The following POFUT4 variants were observed in gnomAD, a reference collection of about 807,000 sequenced individuals.
POFUT4 encodes the protein protein O-fucosyltransferase 4, also known as GDP-fucose protein O-fucosyltransferase 4.
At chr10:73,772,444 G>C in the POFUT4 span, 3 of 1,564,774 alleles carry the variant, frequency 1.9e-6, no homozygotes, top group Non-Finnish European at 1.7e-6. Context: ...GGGAGGCGGA[G>C]TGGGCGGAAC....
At chr10:73,779,232 C>G in the POFUT4 span, 3 of 154,136 alleles carry the variant, frequency 1.9e-5, no homozygotes, top group African/African-American at 7.3e-5. Context: ...TGAGTGCCAA[C>G]TGGGCAACAC....
the POFUT4 span, chr10:73,773,495 C>A: frequency 2.5e-6 from 4 of 1,614,220 alleles, no homozygotes; most frequent in Non-Finnish European, 3.4e-6. Flanking sequence ...AGTTTATTGA[C>A]TTTCTGGACA....
chr10:73,773,697 G>A, the POFUT4 span: 66 of 1,614,084 alleles, frequency 4.1e-5, no homozygotes, highest in Admixed American at 1.1e-3. Context: ...GAAAGCCCAC[G>A]CGGCCTCTCC....
At chr10:73,772,915 G>A in the POFUT4 span, 1 of 1,611,120 alleles carries the variant, frequency 6.2e-7, no homozygotes, top group Non-Finnish European at 8.5e-7. Flanking sequence ...GCCGCCCGGT[G>A]CCTCCGCCCA....
chr10:73,773,647 G>A, the POFUT4 span: 16 of 1,614,276 alleles, frequency 9.9e-6, no homozygotes, highest in South Asian at 1.6e-4. Context: ...GGCTTCGAGT[G>A]TTTCGTCTGT....
chr10:73,778,452 G>A, the POFUT4 span, among the ~76,000 whole-genome samples: 3 of 149,118 alleles, frequency 2.0e-5, no homozygotes, highest in African/African-American at 7.4e-5. Flanking sequence ...CCCTTCTGTT[G>A]CTGTGGTTTG....
the POFUT4 span, among the ~76,000 whole-genome samples, chr10:73,778,336 T>C: frequency 7.1e-6 from 1 of 140,866 alleles, no homozygotes; most frequent in Non-Finnish European, 1.5e-5. Context: ...GAGGTTGCAG[T>C]GAGCTGAGAT....
chr10:73,780,251 A>G, the POFUT4 span: 1 of 152,136 alleles, frequency 6.6e-6, no homozygotes, highest in Non-Finnish European at 1.5e-5. Context: ...TTCTTGTTAA[A>G]CAATGTCTTC....
chr10:73,774,604 G>A, the POFUT4 span: 1 of 152,234 alleles, frequency 6.6e-6, no homozygotes, highest in Non-Finnish European at 1.5e-5. Flanking sequence ...GGAGGCTGTG[G>A]CAGGTGGATT....
At chr10:73,772,704 G>A in the POFUT4 span, 5 of 1,581,082 alleles carry the variant, frequency 3.2e-6, no homozygotes, top group South Asian at 3.4e-5. Context: ...CTCTTCTACG[G>A]CACAGACTTC....
At chr10:73,779,668 C>G in the POFUT4 span, 1 of 152,112 alleles carries the variant, frequency 6.6e-6, no homozygotes, top group African/African-American at 2.4e-5. Context: ...AATGCAGATG[C>G]TAATTTAGAG....
the POFUT4 span, chr10:73,774,700 A>G: frequency 6.6e-6 from 1 of 152,392 alleles, no homozygotes; most frequent in Admixed American, 6.5e-5. Flanking sequence ...CCTGTCACAC[A>G]CACACACACA....
chr10:73,779,089 A>C, the POFUT4 span: 1 of 151,930 alleles, frequency 6.6e-6, no homozygotes, highest in South Asian at 2.1e-4. Context: ...AAAAAAAAAA[A>C]AAAAACCTTC....
chr10:73,775,721 A>C, the POFUT4 span: 1 of 1,609,544 alleles, frequency 6.2e-7, no homozygotes, highest in Non-Finnish European at 8.5e-7. Flanking sequence ...GGCGGAGCTA[A>C]GGAGATCTTA....
chr10:73,776,498 C>T, the POFUT4 span, among the ~76,000 whole-genome samples: 1 of 151,796 alleles, frequency 6.6e-6, no homozygotes, highest in Non-Finnish European at 1.5e-5. Context: ...TTGAGACCAT[C>T]CTAGCAAGAC....
chr10:73,772,616 C>T, the POFUT4 span: 4 of 1,562,790 alleles, frequency 2.6e-6, no homozygotes, highest in Non-Finnish European at 3.5e-6. Context: ...AGACTCGGAG[C>T]GCATCGAGTG....
the POFUT4 span, chr10:73,779,922 A>G: frequency 2.0e-5 from 3 of 152,186 alleles, no homozygotes. Context: ...CTTTATTCCT[A>G]TCACCATATA....
chr10:73,773,724 T>C, the POFUT4 span: 1 of 1,614,198 alleles, frequency 6.2e-7, no homozygotes, highest in Non-Finnish European at 8.5e-7. Context: ...CAGCCCCGTC[T>C]TTGAGCCCCA....
chr10:73,773,000 G>C, the POFUT4 span: 14 of 1,591,216 alleles, frequency 8.8e-6, no homozygotes, highest in Non-Finnish European at 1.2e-5. Flanking sequence ...CGTGCCAGCG[G>C]ACCGGGACCG....
Sources: allele counts gnomAD v4.1 joint callset (sites outside exome capture counted in the v4.1 genomes callset), GRCh38; gene constraint gnomAD v4.1.1; transcripts MANE v1.5; gene names NCBI Gene and HGNC (gene_info 2026-07-23, HGNC 2026-07-21).